Variants in SNTG1 observed in about 807,000 individuals in gnomAD.
SNTG1 encodes gamma-1-syntrophin.
SNTG1 carries 39 observed loss-of-function variants against 74.7 expected under a neutral mutation model. The ratio of observed to expected loss-of-function variants is 0.52; its 90% confidence interval spans 0.40 to 0.68. The LOEUF (loss-of-function observed/expected upper bound fraction) is 0.68. Ranked by LOEUF, SNTG1 falls within the 30% of genes least tolerant of loss-of-function variation. SNTG1 has a pLI of 0.00. For synonymous variants in SNTG1, 254 were observed against 217.1 expected (o/e 1.17, Z -1.49); for missense variants, 685 against 609.5 (o/e 1.12, Z -1.30).
At chr8:49,992,656 G>T (rs1813804085) in intron 1 of SNTG1, among the ~76,000 whole-genome samples, 1 of 152,174 alleles carries the variant, frequency 6.6e-6, no homozygotes, top group African/African-American at 2.4e-5. Context: ...TCATGATAGT[G>T]CCTACCATCA....
chr8:50,521,388 G>A (rs2094178343), intron 9 of SNTG1, among the ~76,000 whole-genome samples: 1 of 152,152 alleles, frequency 6.6e-6, no homozygotes, highest in Non-Finnish European at 1.5e-5. Context: ...TGCGTTTCCT[G>A]CACATGTACC....
intron 13 of SNTG1, among the ~76,000 whole-genome samples, chr8:50,626,167 T>G (rs76811250): frequency 0.043 from 6,544 of 152,270 alleles, 244 homozygotes; most frequent in African/African-American, 0.094. Context: ...AGAATATATG[T>G]GCTGAACTTC....
At chr8:50,525,268 G>T (rs1032460993) in intron 9 of SNTG1, among the ~76,000 whole-genome samples, 1 of 151,922 alleles carries the variant, frequency 6.6e-6, no homozygotes, top group Non-Finnish European at 1.5e-5. Context: ...CCCTTTACCT[G>T]CAAAATTGCA....
At chr8:50,542,017 A>T (rs2094350826) in intron 11 of SNTG1, among the ~76,000 whole-genome samples, 1 of 150,610 alleles carries the variant, frequency 6.6e-6, no homozygotes, top group Non-Finnish European at 1.5e-5. Context: ...TTTTTCATGG[A>T]TGAATAATAT....
intron 4 of SNTG1, among the ~76,000 whole-genome samples, chr8:50,435,478 C>T (rs1029037003): frequency 6.6e-6 from 1 of 151,966 alleles, no homozygotes. Flanking sequence ...CTTTTTATTA[C>T]GTCTATTTTG....
At chr8:50,469,835 C>G (rs2093637909) in intron 8 of SNTG1, among the ~76,000 whole-genome samples, 1 of 152,074 alleles carries the variant, frequency 6.6e-6, no homozygotes, top group Non-Finnish European at 1.5e-5. Flanking sequence ...AAAAATTAGC[C>G]AGGCGTGGTG....
intron 2 of SNTG1, among the ~76,000 whole-genome samples, chr8:50,322,276 G>A (rs2090561870): frequency 6.6e-6 from 1 of 151,914 alleles, no homozygotes; most frequent in South Asian, 2.1e-4. Flanking sequence ...TACTATTCTA[G>A]GAAAAAAGGT....
chr8:50,269,939 A>G (rs922850230), intron 2 of SNTG1, among the ~76,000 whole-genome samples: 4 of 152,200 alleles, frequency 2.6e-5, no homozygotes, highest in African/African-American at 4.8e-5. Context: ...GTAAACTTTA[A>G]GGACAAAAAG....
intron 4 of SNTG1, among the ~76,000 whole-genome samples, chr8:50,430,323 C>A (rs1241791458): frequency 1.3e-5 from 2 of 152,178 alleles, no homozygotes; most frequent in African/African-American, 2.4e-5. Flanking sequence ...GCATAAACAT[C>A]AGTATCAATA....
intron 2 of SNTG1, among the ~76,000 whole-genome samples, chr8:50,176,081 A>C (rs73676263): frequency 2.6e-4 from 40 of 152,266 alleles, no homozygotes; most frequent in African/African-American, 9.1e-4. Context: ...TTACTGAAAC[A>C]AGAGTATTAT....
intron 17 of SNTG1, among the ~76,000 whole-genome samples, chr8:50,725,280 G>C (rs1387017159): frequency 6.6e-6 from 1 of 152,046 alleles, no homozygotes; most frequent in South Asian, 2.1e-4. Flanking sequence ...CATGGTGAAT[G>C]GGTGAACATT....
At chr8:50,092,287 G>A (rs1318244005) in intron 1 of SNTG1, among the ~76,000 whole-genome samples, 2 of 152,138 alleles carry the variant, frequency 1.3e-5, no homozygotes, top group African/African-American at 4.8e-5. Context: ...CAGTGGACAT[G>A]TTGTGAAAAA....
intron 2 of SNTG1, among the ~76,000 whole-genome samples, chr8:50,306,001 T>G (rs2130711142): frequency 6.6e-6 from 1 of 152,098 alleles, no homozygotes; most frequent in South Asian, 2.1e-4. Context: ...AGTGTACCCA[T>G]AGTATACATT....
intron 8 of SNTG1, among the ~76,000 whole-genome samples, chr8:50,484,984 A>G (rs1001354535): frequency 6.6e-6 from 1 of 152,136 alleles, no homozygotes; most frequent in African/African-American, 2.4e-5. Flanking sequence ...ATGCGCAATG[A>G]TTGCATTTTA....
At chr8:50,036,534 C>A (rs966528335) in intron 1 of SNTG1, among the ~76,000 whole-genome samples, 1 of 152,110 alleles carries the variant, frequency 6.6e-6, no homozygotes, top group Non-Finnish European at 1.5e-5. Context: ...CTCTATCATC[C>A]CAGCTGTTTT....
At chr8:50,710,117 A>C (rs983016799) in intron 17 of SNTG1, among the ~76,000 whole-genome samples, 1 of 152,148 alleles carries the variant, frequency 6.6e-6, no homozygotes, top group Non-Finnish European at 1.5e-5. Flanking sequence ...AGCAGTTGGC[A>C]TTGTCCTGCA....
chr8:50,164,092 C>CTTTTTTTTTTTTTTTTTTTTTTT (rs3086088), intron 1 of SNTG1: 3 of 71,984 alleles, frequency 4.2e-5, no homozygotes, highest in Non-Finnish European at 8.2e-5. Flanking sequence ...GACACAATTT[C>CTTTTTTTTTTTTTTTTTTTTTTT]TTTTTTTTTT....
In SNTG1 at chr8:50,582,752, A is replaced by G. The variant is rs576326316; in HGVS notation, c.811-8127A>G. 3.3e-5 allele frequency among the ~76,000 whole-genome samples: 5 copies of G among 152,318 alleles called. No individual in the cohort carries two copies. The East Asian group carries it at 9.7e-4, about 29-fold the overall frequency. The stretch of plus-strand genomic sequence containing the variant: ...TGACCTAGGCTTGGTTTTGAATAGC[A>G]TATTTTAATGAATGTCCTTTTAAGA... On this transcript the variant is annotated intron_variant, in intron 12 of 18. Transcript: ENST00000642720.
At chr8:50,302,878 T>C (rs1175625088) in intron 2 of SNTG1, among the ~76,000 whole-genome samples, 8 of 152,168 alleles carry the variant, frequency 5.3e-5, no homozygotes, top group Admixed American at 5.2e-4. Context: ...CAATTTCTAG[T>C]GTTCTGAAAT....
Sources: allele counts gnomAD v4.1 joint callset (sites outside exome capture counted in the v4.1 genomes callset), GRCh38; gene constraint gnomAD v4.1.1; transcripts MANE v1.5; gene names NCBI Gene and HGNC (gene_info 2026-07-23, HGNC 2026-07-21).